The following TOX2 variants were observed in gnomAD, a reference collection of about 807,000 sequenced individuals.
TOX2 encodes granulosa cell HMG box 1.
A neutral mutation model predicts 47.4 loss-of-function variants in TOX2; 15 were observed. The observed-to-expected ratio is 0.32, with a 90% CI of 0.21 to 0.49. The LOEUF (loss-of-function observed/expected upper bound fraction) is 0.49, where lower values mean the gene tolerates loss of function less well. TOX2 is among the 20% of genes least tolerant of loss of function. TOX2 has a pLI of 0.99. For missense variants in TOX2, 622 were observed against 673.1 expected (o/e 0.92, Z 0.84); for synonymous variants, 290 against 296.6 (o/e 0.98, Z 0.23).
At chr20:44,016,026 G>A (rs1223453766) in intron 3 of TOX2, among the ~76,000 whole-genome samples, 1 of 152,086 alleles carries the variant, frequency 6.6e-6, no homozygotes, top group Non-Finnish European at 1.5e-5. Flanking sequence ...AGGTCGGAAA[G>A]GAACAAAACA....
intron 1 of TOX2, among the ~76,000 whole-genome samples, chr20:43,965,775 G>T (rs533866305): frequency 6.6e-6 from 1 of 152,194 alleles, no homozygotes; most frequent in Non-Finnish European, 1.5e-5. Context: ...ATGGGTAGAA[G>T]ACATGGGAGG....
chr20:43,998,024 C>T (rs554221271), intron 2 of TOX2, among the ~76,000 whole-genome samples: 1 of 152,260 alleles, frequency 6.6e-6, no homozygotes, highest in Admixed American at 6.5e-5. Flanking sequence ...AATTGATTCA[C>T]AGTTCTGCAG....
chr20:44,032,300 T>C (rs2071168274), intron 3 of TOX2, among the ~76,000 whole-genome samples: 1 of 152,246 alleles, frequency 6.6e-6, no homozygotes, highest in Admixed American at 6.5e-5. Context: ...TTGTTCTTCA[T>C]TGCGGGGCTG....
chr20:43,984,550 C>T lies in TOX2; in HGVS notation c.165+11118C>T, dbSNP rs1048682655. Among the ~76,000 whole-genome samples the T allele has an allele frequency of 1.1e-4, 16 of 152,092 alleles. 1 individual carries two copies. The highest frequency in any genetic ancestry group is 1.0e-3 in the Admixed American group (16 of 15,272). On this transcript the variant is annotated intron_variant, in intron 2 of 8. Coordinates refer to ENST00000341197, the MANE Select transcript of TOX2 (RefSeq NM_001098797.2). ...CAATCTTAATTTTACATCCCAATGG[C>T]CAAAAATATATTTATTTTAAAGCTC... is the stretch of plus-strand genomic sequence containing the variant.
chr20:44,051,204 C>T (rs2071502853), intron 3 of TOX2, 102 bp from the exon 4 acceptor site: 10 of 1,484,578 alleles, frequency 6.7e-6, no homozygotes, highest in African/African-American at 2.8e-5. Flanking sequence ...CCGCACCCAT[C>T]ACTTCTCCTC....
At chr20:43,981,398 A>G (rs532613353) in intron 2 of TOX2, among the ~76,000 whole-genome samples, 2 of 152,356 alleles carry the variant, frequency 1.3e-5, no homozygotes, top group South Asian at 2.1e-4. Context: ...GTATGCTACC[A>G]TTTATACAAA....
At chr20:44,024,418 C>T (rs1363536967) in intron 3 of TOX2, among the ~76,000 whole-genome samples, 1 of 121,480 alleles carries the variant, frequency 8.2e-6, no homozygotes. Context: ...CTTTATGAAT[C>T]CCTTCTTTCT....
chr20:44,025,366 T>C (rs1267001967), intron 3 of TOX2, among the ~76,000 whole-genome samples: 3 of 149,788 alleles, frequency 2.0e-5, no homozygotes, highest in African/African-American at 7.4e-5. Context: ...TGGCCAGAGA[T>C]TGGGGGATGG....
At chr20:43,969,696 G>T (rs1330314044) in intron 1 of TOX2, among the ~76,000 whole-genome samples, 1 of 152,220 alleles carries the variant, frequency 6.6e-6, no homozygotes. Context: ...TCCGCAGCTG[G>T]TTCTGAGCCC....
intron 3 of TOX2, among the ~76,000 whole-genome samples, chr20:44,033,196 C>T (rs2071184233): frequency 6.6e-6 from 1 of 152,152 alleles, no homozygotes. Context: ...CAGAGGCAGG[C>T]ACGGGGGAGG....
At chr20:44,042,269 C>T (rs1233511075) in intron 3 of TOX2, among the ~76,000 whole-genome samples, 2 of 152,194 alleles carry the variant, frequency 1.3e-5, no homozygotes, top group Non-Finnish European at 2.9e-5. Context: ...GACCCACTCC[C>T]GTAATTCGAT....
Position 43,988,554 on chromosome 20 carries a change from C to T in TOX2, c.165+15122C>T, listed in dbSNP as rs117411881. The stretch of plus-strand genomic sequence containing the variant: ...CTCTTGGGCTAGTGTGAGCAATACT[C>T]TCACATGTGCACAAGCACACACAAA... On this transcript the variant is annotated intron_variant, in intron 2 of 8. Transcript: ENST00000341197. Among the ~76,000 whole-genome samples the T allele has an allele frequency of 1.7e-3, 266 of 152,370 alleles. 7 individuals carry two copies. The East Asian group carries it at 0.025, about 14-fold the overall frequency.
intron 3 of TOX2, among the ~76,000 whole-genome samples, chr20:44,019,967 G>C (rs2070950277): frequency 6.6e-6 from 1 of 152,168 alleles, no homozygotes; most frequent in Admixed American, 6.5e-5. Flanking sequence ...GGAGGGTGTG[G>C]ATCACAGCCG....
chr20:44,065,284 G>A (rs978301601), intron 6 of TOX2, among the ~76,000 whole-genome samples: 18 of 152,346 alleles, frequency 1.2e-4, no homozygotes, highest in African/African-American at 4.3e-4. Context: ...GTGTGGCTGC[G>A]GATGCGTGGC....
chr20:43,987,218 A>T (rs2070282860), intron 2 of TOX2, among the ~76,000 whole-genome samples: 2 of 152,234 alleles, frequency 1.3e-5, no homozygotes, highest in Non-Finnish European at 2.9e-5. Context: ...ACCACATGCC[A>T]TCAAGCAGAT....
chr20:43,968,677 G>C (rs2069905505), intron 1 of TOX2, among the ~76,000 whole-genome samples: 1 of 152,234 alleles, frequency 6.6e-6, no homozygotes, highest in Admixed American at 6.5e-5. Context: ...CTTGGGAAGA[G>C]AAGATGAAGG....
chr20:43,926,090 T>A (rs929975174), intron 1 of TOX2, among the ~76,000 whole-genome samples: 5 of 152,206 alleles, frequency 3.3e-5, no homozygotes, highest in African/African-American at 9.6e-5. Context: ...TTGTCGGAAA[T>A]GAATCGACTC....
At chr20:44,055,179 A>AAGGT (rs2071595722) in intron 5 of TOX2, among the ~76,000 whole-genome samples, 1 of 152,204 alleles carries the variant, frequency 6.6e-6, no homozygotes, top group South Asian at 2.1e-4. Flanking sequence ...AGCGTGAATC[A>AAGGT]AGGTAGAGTC....
chr20:43,938,790 G>A (rs1233444961), intron 1 of TOX2, among the ~76,000 whole-genome samples: 1 of 152,294 alleles, frequency 6.6e-6, no homozygotes, highest in East Asian at 1.9e-4. Flanking sequence ...AGCATTTGTC[G>A]CTCCCTGCAT....
Sources: gnomAD v4.1 joint callset for allele counts (sites outside exome capture counted in the v4.1 genomes callset) on GRCh38, gnomAD v4.1.1 for gene constraint, MANE v1.5 for transcripts, NCBI Gene and HGNC (gene_info 2026-07-23, HGNC 2026-07-21) for gene names.